The following RHAG variants were observed in gnomAD, a reference collection of about 807,000 sequenced individuals.
RHAG encodes the protein Rh associated glycoprotein.
RHAG carries 25 observed loss-of-function variants against 42.4 expected under a neutral mutation model. The observed-to-expected ratio is 0.59, with a 90% CI of 0.43 to 0.82. RHAG has a LOEUF of 0.82. RHAG is among the 40% of genes least tolerant of loss of function. RHAG has a pLI of 0.00. For missense variants in RHAG, 483 were observed against 504.6 expected, an observed-to-expected ratio of 0.96 and a Z score of 0.41; for synonymous variants, 182 against 177.7, an observed-to-expected ratio of 1.02 and a Z score of -0.19.
At chr6:49,629,951 T>G (rs1348245506) in intron 1 of RHAG, among the ~76,000 whole-genome samples, 1 of 152,088 alleles carries the variant, frequency 6.6e-6, no homozygotes, top group Non-Finnish European at 1.5e-5. Flanking sequence ...CCCTGCAAGC[T>G]GAGGGAGTGG....
Position 49,611,051 on chromosome 6 carries a change from A to G in RHAG, c.1040T>C (p.Val347Ala), listed in dbSNP as rs1469794506. 1 of 1,613,910 alleles carries G rather than the reference A, an allele frequency of 6.2e-7. No individual in the cohort carries two copies. Reference protein sequence around the residue: ...PGVVGGLAGIVAVAMGASNTS... With the variant: ...PGVVGGLAGIAAVAMGASNTS... ...GTTGGAGGCGCCCATTGCTACTGCC[A>G]CAATGCCTGCAAGGCCTCCCACTAC... is the stretch of plus-strand genomic sequence containing the variant. The change falls in exon 7 of 10, where the codon GTG (valine) becomes GCG (alanine). Residue 347 changes from valine to alanine, a missense_variant. By Grantham distance (64) the Val-to-Ala change is moderately conservative (BLOSUM62 0). Transcript: ENST00000371175.
intron 4 of RHAG, chr6:49,615,283 G>A: frequency 3.6e-6 from 1 of 274,290 alleles, no homozygotes; most frequent in South Asian, 4.6e-5. Context: ...CACTGACAAT[G>A]TCTCTGTTTA....
chr6:49,614,192 C>CT lies in RHAG; in HGVS notation c.807+494dup, dbSNP rs544457151. Among the ~76,000 whole-genome samples the CT allele has an allele frequency of 4.1e-3, 588 of 145,128 alleles. 4 individuals carry two copies. The highest frequency in any genetic ancestry group is 0.013 in the African/African-American group (518 of 39,738). ...CTTCCAGGACAAAAATTTTTTTTTT[C>CT]TTTTTTTTTTTCTTTGTGAGATGGA... On this transcript the variant is annotated intron_variant, in intron 5 of 9. Transcript: ENST00000371175.
rs766545184 is a variant in RHAG at position 49,607,166 on chromosome 6, A to G, written c.1122T>C (p.Val374=). 2 of 1,613,738 alleles carry G rather than the reference A, an allele frequency of 1.2e-6. No homozygotes were observed. Among genetic ancestry groups the G allele is most frequent in the Admixed American group, 3.3e-5 (2 of 59,966 alleles). Residue 374 remains valine (V), a synonymous_variant, in exon 8 of 10, where the codon GTT becomes GTC. Coordinates refer to ENST00000371175, the MANE Select transcript of RHAG (RefSeq NM_000324.3). ...TATGCTGACCTGTCATCAGACCTCC[A>G]ACAACTGCTGTTCCGATAGAGGAAC... ...ALGSSIGTAV[V]GGLMTGLILK... is the part of the protein sequence containing the mutation.
At chr6:49,617,452 A>G (rs377227195) in intron 3 of RHAG, among the ~76,000 whole-genome samples, 21 of 152,144 alleles carry the variant, frequency 1.4e-4, no homozygotes, top group East Asian at 9.6e-4. Context: ...TGTAAGCTCT[A>G]TAAAAACAGG....
At chr6:49,620,023 T>A (rs1412072371) in intron 1 of RHAG, among the ~76,000 whole-genome samples, 1 of 152,214 alleles carries the variant, frequency 6.6e-6, no homozygotes, top group African/African-American at 2.4e-5. Context: ...TACCAGATCA[T>A]TATTTGGGTC....
At chr6:49,614,608 C>T (rs1762621564) in intron 5 of RHAG, 79 bp downstream of exon 5, 5 of 1,208,586 alleles carry the variant, frequency 4.1e-6, no homozygotes, top group Non-Finnish European at 6.1e-6. Flanking sequence ...AGCAGTGATG[C>T]AGAAATTACC....
rs1581940558 is a variant in RHAG, at chr6:49,615,189, A to T, written c.641-336T>A. 1.7e-5 allele frequency: 5 copies of T among 294,102 alleles called. No homozygotes were observed. The East Asian group carries it at 4.4e-4, about 26-fold the overall frequency. 18.2% of individuals were successfully genotyped at this position (294,102 alleles called of 1,614,324 possible). On this transcript the variant is annotated intron_variant, in intron 4 of 9. Transcript: ENST00000371175. ...CTGGTCTCGAACTCCTGACCTCGTG[A>T]TCCACCCGCCTCGGCCTCCCAAAGT... is the stretch of plus-strand genomic sequence containing the variant.
chr6:49,628,613 G>A lies in RHAG; in HGVS notation c.157+8043C>T, dbSNP rs554303401. ...CTCAGGAGTGAAGCTGCAGACCTTC[G>A]CGGTGAGTATTACAGCTCTTAAGGT... is the stretch of plus-strand genomic sequence containing the variant. On this transcript the variant is annotated intron_variant, in intron 1 of 9. Coordinates refer to ENST00000371175, the MANE Select transcript of RHAG (RefSeq NM_000324.3). 2.8e-3 allele frequency among the ~76,000 whole-genome samples: 421 copies of A among 151,136 alleles called. 2 individuals are homozygous for A. Among genetic ancestry groups the A allele is most frequent in the African/African-American group, 9.9e-3 (409 of 41,130 alleles).
intron 9 of RHAG, among the ~76,000 whole-genome samples, chr6:49,606,124 A>G (rs1774159088): frequency 6.6e-6 from 1 of 152,206 alleles, no homozygotes; most frequent in African/African-American, 2.4e-5. Flanking sequence ...AATAGAGTAA[A>G]GAGAAACTGG....
chr6:49,609,891 A>T (rs1307991930), intron 7 of RHAG, among the ~76,000 whole-genome samples: 1 of 151,204 alleles, frequency 6.6e-6, no homozygotes, highest in African/African-American at 2.4e-5. Flanking sequence ...ATGCAGCCAT[A>T]AAAAAAAATG....
At chr6:49,611,685 A>G (rs1482612372) in intron 6 of RHAG, among the ~76,000 whole-genome samples, 1 of 152,022 alleles carries the variant, frequency 6.6e-6, no homozygotes, top group Non-Finnish European at 1.5e-5. Flanking sequence ...TGGGTTTGAA[A>G]GGAATCATTT....
At chr6:49,618,046 G>A (rs1488500375) in intron 3 of RHAG, 22 bp downstream of exon 3, 1 of 1,609,918 alleles carries the variant, frequency 6.2e-7, no homozygotes. Flanking sequence ...AGCTAGGAAA[G>A]TATAAATTTT....
intron 5 of RHAG, 64 bp from the exon 6 acceptor site, chr6:49,612,598 G>A: frequency 1.9e-6 from 3 of 1,591,276 alleles, no homozygotes; most frequent in African/African-American, 1.3e-5. Flanking sequence ...AAGGATCAGA[G>A]GATTCTAGAG....
chr6:49,611,015 T>C lies in RHAG; in HGVS notation c.1067+9A>G, dbSNP rs1762561311. The C allele has an allele frequency of 6.2e-7, 1 of 1,613,598 alleles. No homozygotes were observed. Among genetic ancestry groups the C allele is most frequent in the South Asian group, 1.1e-5 (1 of 91,068 alleles). Reference sequence around the variant, plus strand: ...CCACAGGGGCTGAAAAACCCATTCTTTTACTCACGTGTTGGAGGCGCCCAT... The same window carrying C: ...CCACAGGGGCTGAAAAACCCATTCTCTTACTCACGTGTTGGAGGCGCCCAT... On this transcript the variant is annotated intron_variant, in intron 7 of 9. Coordinates refer to ENST00000371175, the MANE Select transcript of RHAG (RefSeq NM_000324.3).
intron 1 of RHAG, among the ~76,000 whole-genome samples, chr6:49,627,071 G>C (rs1762855732): frequency 1.3e-5 from 2 of 152,220 alleles, no homozygotes; most frequent in South Asian, 4.1e-4. Flanking sequence ...ATGGCCATGA[G>C]GGTCTCTGAC....
Position 49,611,161 on chromosome 6 carries a change from G to C in RHAG, c.946-16C>G. The C allele has an allele frequency of 6.2e-7, 1 of 1,604,420 alleles. No homozygotes were observed. Among genetic ancestry groups the C allele is most frequent in the Non-Finnish European group, 8.5e-7 (1 of 1,172,210 alleles). ...TAAAAAGTGGCTAAAATTATAAAAG[G>C]AAGAAGGTTTATTATTTAGTTAAAC... On this transcript the variant is annotated splice_polypyrimidine_tract_variant and intron_variant, in intron 6 of 9. Transcript: ENST00000371175.
intron 1 of RHAG, among the ~76,000 whole-genome samples, chr6:49,629,975 C>G (rs888966119): frequency 6.6e-6 from 1 of 152,326 alleles, no homozygotes; most frequent in Admixed American, 6.5e-5. Context: ...CAGGCCTTCG[C>G]CAGCCCAGAA....
intron 6 of RHAG, among the ~76,000 whole-genome samples, chr6:49,611,926 TTA>T (rs1762576349): frequency 6.6e-6 from 1 of 151,818 alleles, no homozygotes; most frequent in African/African-American, 2.4e-5. Context: ...ATTTTTTTTT[TTA>T]GTAGAGACGG....
Sources: allele counts gnomAD v4.1 joint callset (sites outside exome capture counted in the v4.1 genomes callset), GRCh38; gene constraint gnomAD v4.1.1; transcripts MANE v1.5; gene names NCBI Gene and HGNC (gene_info 2026-07-23, HGNC 2026-07-21).